Variants in ARHGAP35 observed in about 807,000 individuals in gnomAD.
The protein encoded by ARHGAP35 is rho GTPase-activating protein 35.
Under a neutral mutation model 111.1 loss-of-function variants are expected in ARHGAP35, and 15 were observed. That is an observed-to-expected ratio of 0.13 (90% confidence interval 0.09 to 0.21). The LOEUF is 0.21. Among genes scored for constraint, ARHGAP35 ranks in the 10% least tolerant of loss-of-function variants. The pLI, the probability that ARHGAP35 is intolerant of heterozygous loss-of-function variation, is 1.00. For missense variants in ARHGAP35, 1,262 were observed against 1,873.0 expected (o/e 0.67, Z 6.02); for synonymous variants, 643 against 710.3 (o/e 0.91, Z 1.51).
chr19:46,951,996 A>G (rs2056415670), intron 3 of ARHGAP35, among the ~76,000 whole-genome samples: 1 of 152,238 alleles, frequency 6.6e-6, no homozygotes, highest in East Asian at 1.9e-4. Context: ...AATAAGTTCT[A>G]GTGTTTGATA....
intron 3 of ARHGAP35, among the ~76,000 whole-genome samples, chr19:46,987,538 A>C (rs899717362): frequency 3.9e-5 from 6 of 152,196 alleles, no homozygotes; most frequent in Non-Finnish European, 8.8e-5. Flanking sequence ...TAACAGCATG[A>C]CTATTCTTAC....
At chr19:46,985,645 G>A (rs2056644958) in intron 3 of ARHGAP35, among the ~76,000 whole-genome samples, 1 of 152,186 alleles carries the variant, frequency 6.6e-6, no homozygotes, top group African/African-American at 2.4e-5. Flanking sequence ...AATGGTGGAT[G>A]GGGACAAAGC....
chr19:46,904,908 C>T (rs1014262921), intron 1 of ARHGAP35, among the ~76,000 whole-genome samples: 2 of 152,160 alleles, frequency 1.3e-5, no homozygotes, highest in Non-Finnish European at 2.9e-5. Context: ...GCCTATGCTC[C>T]GCGTTCCTGT....
intron 5 of ARHGAP35, among the ~76,000 whole-genome samples, chr19:46,991,206 C>G (rs2056677413): frequency 6.6e-6 from 1 of 152,218 alleles, no homozygotes; most frequent in Admixed American, 6.5e-5. Context: ...AATCTCTATT[C>G]TGGAGCCAGC....
At chr19:46,890,431 TAGAG>T (rs2056018161) in intron 1 of ARHGAP35, among the ~76,000 whole-genome samples, 1 of 152,234 alleles carries the variant, frequency 6.6e-6, no homozygotes, top group Non-Finnish European at 1.5e-5. Context: ...GCAGTGGTCA[TAGAG>T]AGATGAAATG....
chr19:46,944,726 A>C (rs924647147), intron 3 of ARHGAP35, among the ~76,000 whole-genome samples: 1 of 152,174 alleles, frequency 6.6e-6, no homozygotes, highest in African/African-American at 2.4e-5. Flanking sequence ...TAAAGTGCCA[A>C]ATCCTTCTAA....
In ARHGAP35 at chr19:46,920,874, C is replaced by T. The variant is rs576379485; in HGVS notation, c.2199C>T (p.Leu733=). 1.5e-5 allele frequency: 24 copies of T among 1,613,854 alleles called. No homozygotes were observed. Among genetic ancestry groups the T allele is most frequent in the Admixed American group, 3.3e-5 (2 of 59,990 alleles). The change falls in exon 2 of 7, where the codon CTC becomes CTT. Residue 733 remains leucine (L), a synonymous_variant. Transcript: ENST00000672722. The surrounding 1 kb of genome is among the most constrained non-coding windows in gnomAD (Gnocchi z 7.0). The stretch of plus-strand genomic sequence containing the variant: ...CTAGCAAACTTCAGTGTGTCTTTCT[C>T]GACCCTGCTTCTGCTGGCATTGGTT... ...QIASKLQCVF[L]DPASAGIGYG...
chr19:46,895,852 C>T (rs553688138), intron 1 of ARHGAP35, among the ~76,000 whole-genome samples: 4 of 152,224 alleles, frequency 2.6e-5, no homozygotes, highest in East Asian at 1.9e-4. Flanking sequence ...CCTGTAATCC[C>T]AGCACTTTGG....
At chr19:46,996,423 G>A (rs537158163) in intron 5 of ARHGAP35, among the ~76,000 whole-genome samples, 1 of 152,100 alleles carries the variant, frequency 6.6e-6, no homozygotes, top group Non-Finnish European at 1.5e-5. Flanking sequence ...ATCAATGCAG[G>A]CTTTGTAACT....
At chr19:46,981,825 G>GTGTTTTGTTT (rs55887324) in intron 3 of ARHGAP35, among the ~76,000 whole-genome samples, 2,936 of 147,390 alleles carry the variant, frequency 0.02, 73 homozygotes, top group African/African-American at 0.052. Context: ...GTATTTTTTG[G>GTGTTTTGTTT]TGTTTTGTTT....
intron 5 of ARHGAP35, among the ~76,000 whole-genome samples, chr19:46,997,942 AATAC>A (rs1032839314): frequency 6.6e-6 from 1 of 152,092 alleles, no homozygotes; most frequent in Non-Finnish European, 1.5e-5. Context: ...CTCTACTAAA[AATAC>A]GAAAAAATTA....
rs146639564 is a variant in ARHGAP35 at position 46,889,597 on chromosome 19, A to G, written c.-189+28388A>G. On this transcript the variant is annotated intron_variant, in intron 1 of 6. Coordinates refer to ENST00000672722, the MANE Select transcript of ARHGAP35 (RefSeq NM_004491.5). ...CCTGCTTTTGAATTTCTTACTTTCT[A>G]GTAGGGGAAAATAGAATATCCTCAC... is the stretch of plus-strand genomic sequence containing the variant. Among the ~76,000 whole-genome samples the G allele has an allele frequency of 8.5e-5, 13 of 152,256 alleles. No individual in the cohort carries two copies. In the East Asian group the frequency reaches 2.3e-3, roughly 27 times the overall value.
rs2056738108 is a variant in ARHGAP35, at chr19:47,000,142, G to A, written c.4143-189G>A. Among the ~76,000 whole-genome samples the A allele has an allele frequency of 6.6e-6, 1 of 152,204 alleles. No individual in the cohort carries two copies. Among genetic ancestry groups the A allele is most frequent in the Non-Finnish European group, 1.5e-5 (1 of 68,034 alleles). ...GAGGTTGGCCATGTAGAGGCACTGGGCTGGAGGGGAGAGGACACTGAGGGC... is the reference window on the plus strand; with the variant it reads ...GAGGTTGGCCATGTAGAGGCACTGGACTGGAGGGGAGAGGACACTGAGGGC... On this transcript the variant is annotated intron_variant, in intron 6 of 6. Transcript: ENST00000672722. The surrounding 1 kb of genome is among the most constrained non-coding windows in gnomAD (Gnocchi z 6.9).
chr19:46,863,573 TCTC>T (rs922262072), intron 1 of ARHGAP35, among the ~76,000 whole-genome samples: 1 of 152,100 alleles, frequency 6.6e-6, no homozygotes, highest in African/African-American at 2.4e-5. Flanking sequence ...CCTCCTTCCT[TCTC>T]TGAGCCATTG....
intron 3 of ARHGAP35, among the ~76,000 whole-genome samples, chr19:46,975,512 T>C (rs1462776183): frequency 6.6e-6 from 1 of 152,158 alleles, no homozygotes; most frequent in African/African-American, 2.4e-5. Context: ...TTACACCCCA[T>C]ACATGGTTTA....
chr19:46,873,557 G>T (rs535854966), intron 1 of ARHGAP35, among the ~76,000 whole-genome samples: 2 of 149,986 alleles, frequency 1.3e-5, no homozygotes, highest in South Asian at 4.2e-4. Flanking sequence ...AGAATTGCTA[G>T]AACCCAGGAG....
intron 3 of ARHGAP35, among the ~76,000 whole-genome samples, chr19:46,942,671 C>T (rs901826920): frequency 2.0e-5 from 3 of 151,266 alleles, no homozygotes; most frequent in Non-Finnish European, 4.4e-5. Context: ...GCATGCATGC[C>T]AGGCATAGTG....
intron 3 of ARHGAP35, among the ~76,000 whole-genome samples, chr19:46,941,855 C>T (rs2056348892): frequency 7.3e-6 from 1 of 137,200 alleles, no homozygotes; most frequent in South Asian, 2.3e-4. Flanking sequence ...CCACTGGACC[C>T]AGCCAGAGAC....
At chr19:46,970,501 G>C (rs572904128) in intron 3 of ARHGAP35, among the ~76,000 whole-genome samples, 1 of 152,136 alleles carries the variant, frequency 6.6e-6, no homozygotes, top group Non-Finnish European at 1.5e-5. Flanking sequence ...ACATTACTGC[G>C]GAAATTTTGT....
Sources: gnomAD v4.1 joint callset for allele counts (sites outside exome capture counted in the v4.1 genomes callset) on GRCh38, gnomAD v4.1.1 for gene constraint, Gnocchi (gnomAD v3.1) non-coding constraint, MANE v1.5 for transcripts, NCBI Gene and HGNC (gene_info 2026-07-23, HGNC 2026-07-21) for gene names.